Variants in DCHS2 observed in about 807,000 individuals in gnomAD.
DCHS2 encodes the protein dachsous cadherin-related 2, also known as protocadherin-23.
In DCHS2, 142 loss-of-function variants were observed where a neutral mutation model predicts 182.4. That is an observed-to-expected ratio of 0.78 (90% CI 0.68 to 0.89). The LOEUF (loss-of-function observed/expected upper bound fraction) is 0.89. Ranked by LOEUF, DCHS2 falls within the 40% of genes least tolerant of loss-of-function variation. DCHS2 has a pLI of 0.00. For missense variants in DCHS2, 4,319 were observed against 4,198.6 expected (o/e 1.03, Z -0.79); for synonymous variants, 1,740 against 1,663.3 (o/e 1.05, Z -1.12).
In DCHS2 at chr4:154,384,527, A is replaced by G. The variant is rs144633499; in HGVS notation, c.2053-7083T>C. On this transcript the variant is annotated intron_variant, in intron 1 of 19. Transcript: ENST00000357232. ...AACCTCTGTCAATGTTCTAATCCCC[A>G]GAACCTATGACTATTCTCTTATTTG... 872 of 1,549,718 alleles carry G rather than the reference A, an allele frequency of 5.6e-4. 3 individuals carry two copies. The African/African-American group carries it at 0.01, about 18-fold the overall frequency.
intron 1 of DCHS2, among the ~76,000 whole-genome samples, chr4:154,426,765 C>A (rs1344713099): frequency 4.1e-5 from 1 of 24,666 alleles, no homozygotes; most frequent in East Asian, 1.2e-3. Context: ...GAGACTTTGT[C>A]TCTACAAAAT....
At position 154,466,630 on chromosome 4, in the gene DCHS2, C is replaced by T. The variant is rs112037169; in HGVS notation, c.2052+22674G>A. ...AGACCTATGGGAAAACTGATCTATT[C>T]GAATGCTAAGTGCATTTCATCTTAG... is the stretch of plus-strand genomic sequence containing the variant. On this transcript the variant is annotated intron_variant, in intron 1 of 19. Coordinates refer to ENST00000357232, the MANE Select transcript of DCHS2 (RefSeq NM_001358235.2). Among the ~76,000 whole-genome samples, 66 of 152,230 alleles carry T rather than the reference C, an allele frequency of 4.3e-4. 1 individual carries two copies. Among genetic ancestry groups the T allele is most frequent in the African/African-American group, 1.5e-3 (63 of 41,542 alleles).
At chr4:154,427,757 G>A (rs1475464577) in intron 1 of DCHS2, among the ~76,000 whole-genome samples, 2 of 152,152 alleles carry the variant, frequency 1.3e-5, no homozygotes, top group Non-Finnish European at 2.9e-5. Context: ...GAAAGAGTGG[G>A]TCTGAAGACT....
intron 1 of DCHS2, among the ~76,000 whole-genome samples, chr4:154,461,672 T>G (rs1023544216): frequency 1.3e-5 from 2 of 152,168 alleles, no homozygotes; most frequent in Non-Finnish European, 2.9e-5. Flanking sequence ...ACTCTAAATA[T>G]TATAGGTTTA....
intron 1 of DCHS2, among the ~76,000 whole-genome samples, chr4:154,435,871 G>A (rs1733758404): frequency 6.6e-6 from 1 of 152,194 alleles, no homozygotes; most frequent in East Asian, 1.9e-4. Flanking sequence ...TGAGCTTGAT[G>A]AGAAACCTGA....
At chr4:154,411,254 A>AG (rs376062899) in intron 1 of DCHS2, among the ~76,000 whole-genome samples, 97,965 of 151,804 alleles carry the variant, frequency 0.65, 32,101 homozygotes, top group East Asian at 0.98. Flanking sequence ...GTTATCAGGT[A>AG]GAAATAAGGA....
chr4:154,399,841 G>C (rs1732082925), intron 1 of DCHS2, among the ~76,000 whole-genome samples: 1 of 152,170 alleles, frequency 6.6e-6, no homozygotes, highest in Admixed American at 6.5e-5. Context: ...GGAAACCTAG[G>C]GGGATCCCTC....
intron 1 of DCHS2, among the ~76,000 whole-genome samples, chr4:154,433,065 G>A (rs1013341130): frequency 6.6e-6 from 1 of 152,164 alleles, no homozygotes; most frequent in Non-Finnish European, 1.5e-5. Context: ...GCTCTTTGCA[G>A]ATATAATAGG....
intron 3 of DCHS2, chr4:154,357,138 C>G: frequency 3.4e-6 from 3 of 870,826 alleles, no homozygotes; most frequent in South Asian, 3.2e-5. Flanking sequence ...GTTTAAAACT[C>G]ACTTTCTCAT....
intron 15 of DCHS2, among the ~76,000 whole-genome samples, chr4:154,257,172 T>C (rs1369419692): frequency 6.6e-6 from 1 of 152,060 alleles, no homozygotes; most frequent in Non-Finnish European, 1.5e-5. Flanking sequence ...TGCTTGTACC[T>C]GGGAGGCGGA....
Position 154,320,517 on chromosome 4 carries a change from C to T in DCHS2, c.4882G>A (p.Val1628Ile). 6.2e-7 allele frequency: 1 copy of T among 1,614,060 alleles called. No homozygotes were observed. Among genetic ancestry groups the T allele is most frequent in the Non-Finnish European group, 8.5e-7 (1 of 1,179,994 alleles). ...PTFISFPNAH[V>I]KEDVTVGSLV... The stretch of plus-strand genomic sequence containing the variant: ...GAGCCCACTGTGACATCCTCTTTGA[C>T]ATGGGCATTGGGGAAAGAAATAAAA... Residue 1628 changes from valine (V) to isoleucine (I), a missense_variant, in exon 9 of 20, where the codon GTC (valine) becomes ATC (isoleucine). By Grantham distance (29) the Val-to-Ile change is conservative. Transcript: ENST00000357232.
intron 1 of DCHS2, among the ~76,000 whole-genome samples, chr4:154,397,152 A>G (rs1258324679): frequency 2.0e-5 from 3 of 152,214 alleles, no homozygotes; most frequent in African/African-American, 7.2e-5. Flanking sequence ...AATTATACTA[A>G]TTCTAATGAC....
Position 154,489,800 on chromosome 4 carries a change from A to G in DCHS2, c.1556T>C (p.Leu519Pro), listed in dbSNP as rs1223454188. Residue 519 changes from leucine to proline, a missense_variant, in exon 1 of 20, where the codon CTG becomes CCG. By Grantham distance (98) the Leu-to-Pro change is moderately conservative (BLOSUM62 -3). Coordinates refer to ENST00000357232, the MANE Select transcript of DCHS2 (RefSeq NM_001358235.2). The stretch of plus-strand genomic sequence containing the variant: ...GAGTAGCAGCGTCTCCTCCGTGCTC[A>G]GCGGCGGGGACCCCGCGTCCGTGGC... ...LVATDAGSPP[L>P]STEETLLLRV... The G allele has an allele frequency of 6.4e-7, 1 of 1,551,488 alleles. No individual in the cohort carries two copies. Among genetic ancestry groups the G allele is most frequent in the African/African-American group, 1.4e-5 (1 of 73,044 alleles).
At chr4:154,348,923 C>T (rs950619923) in intron 3 of DCHS2, among the ~76,000 whole-genome samples, 1 of 151,940 alleles carries the variant, frequency 6.6e-6, no homozygotes, top group African/African-American at 2.4e-5. Context: ...TCTCAGTTCA[C>T]ATTTTGGTTG....
At chr4:154,382,109 A>G (rs1368254409) in intron 1 of DCHS2, among the ~76,000 whole-genome samples, 1 of 152,244 alleles carries the variant, frequency 6.6e-6, no homozygotes, top group South Asian at 2.1e-4. Flanking sequence ...GGAACAGAAG[A>G]GAGAACCCAG....
chr4:154,332,042 C>T (rs2111361083), intron 5 of DCHS2, among the ~76,000 whole-genome samples: 1 of 152,232 alleles, frequency 6.6e-6, no homozygotes, highest in Admixed American at 6.5e-5. Flanking sequence ...TCTAGCTTTA[C>T]ATTGATGATA....
At chr4:154,417,194 TGTGTGTGTGTGAGAGAGAGAGA>T (rs1348069379) in intron 1 of DCHS2, among the ~76,000 whole-genome samples, 6,193 of 91,616 alleles carry the variant, frequency 0.068, 244 homozygotes, top group Non-Finnish European at 0.096. Flanking sequence ...TGTGTGTGTG[TGTGTGTGTGTGAGAGAGAGAGA>T]GAGAGAGAGA....
rs766649390 is a variant in DCHS2 at position 154,333,395 on chromosome 4, A to G, written c.2813T>C (p.Leu938Pro). Reference sequence around the variant, plus strand: ...AACCACGGGCTGCGTCTCGTGATCCAGGGGCTTCCGGGTGCGAATAGTGCC... The same window carrying G: ...AACCACGGGCTGCGTCTCGTGATCCGGGGGCTTCCGGGTGCGAATAGTGCC... ...RLGTIRTRKP[L>P]DHETQPVVVL... is the part of the protein sequence containing the mutation. Residue 938 changes from leucine to proline, a missense_variant, in exon 5 of 20, where the codon CTG (leucine) becomes CCG (proline). By Grantham distance (98) the Leu-to-Pro change is moderately conservative. Transcript: ENST00000357232. 17 of 1,614,018 alleles carry G rather than the reference A, an allele frequency of 1.1e-5. No individual in the cohort carries two copies. Among genetic ancestry groups the G allele is most frequent in the East Asian group, 2.2e-5 (1 of 44,892 alleles).
At chr4:154,442,642 A>G (rs1003541351) in intron 1 of DCHS2, among the ~76,000 whole-genome samples, 1 of 149,110 alleles carries the variant, frequency 6.7e-6, no homozygotes, top group Non-Finnish European at 1.5e-5. Context: ...GTGGGCTGGA[A>G]GAGAGGTGTA....
Sources: allele counts gnomAD v4.1 joint callset (sites outside exome capture counted in the v4.1 genomes callset), GRCh38; gene constraint gnomAD v4.1.1; transcripts MANE v1.5; gene names NCBI Gene and HGNC (gene_info 2026-07-23, HGNC 2026-07-21).